Variants in PARD3 observed in about 807,000 individuals in gnomAD.
PARD3 encodes partitioning defective 3 homolog.
A neutral mutation model predicts 155.4 loss-of-function variants in PARD3; 75 were observed. The ratio of observed to expected loss-of-function variants is 0.48; its 90% confidence interval spans 0.40 to 0.58. The LOEUF (loss-of-function observed/expected upper bound fraction) is 0.58. PARD3 is among the 20% of genes least tolerant of loss of function. The probability of loss-of-function intolerance (pLI) is 0.00; values close to 1 mark genes in which losing one functional copy is unlikely to be tolerated. For synonymous variants in PARD3, 576 were observed against 610.5 expected (o/e 0.94, Z 0.83); for missense variants, 1,642 against 1,721.7 (o/e 0.95, Z 0.82).
chr10:34,593,787 GCATT>G (rs2134393277), intron 2 of PARD3, among the ~76,000 whole-genome samples: 1 of 152,126 alleles, frequency 6.6e-6, no homozygotes, highest in East Asian at 1.9e-4. Context: ...ATTCATATGA[GCATT>G]ATTATTTAAA....
intron 19 of PARD3, among the ~76,000 whole-genome samples, chr10:34,330,725 AAAC>A (rs1835527481): frequency 6.6e-6 from 1 of 152,206 alleles, no homozygotes; most frequent in South Asian, 2.1e-4. Context: ...TACTTTTTAA[AAAC>A]AAGCAACTTC....
At chr10:34,135,704 C>T (rs1003988692) in intron 22 of PARD3, among the ~76,000 whole-genome samples, 8 of 152,124 alleles carry the variant, frequency 5.3e-5, no homozygotes, top group African/African-American at 1.9e-4. Flanking sequence ...TCCTTAGGTA[C>T]GATGAGAGGG....
intron 4 of PARD3, among the ~76,000 whole-genome samples, chr10:34,453,583 T>C (rs1334865010): frequency 6.6e-6 from 1 of 152,204 alleles, no homozygotes; most frequent in African/African-American, 2.4e-5. Flanking sequence ...TAGGGAATGC[T>C]TCAAAGAGGC....
intron 22 of PARD3, among the ~76,000 whole-genome samples, chr10:34,176,475 G>C (rs1048376156): frequency 3.3e-5 from 5 of 152,182 alleles, no homozygotes; most frequent in Non-Finnish European, 7.3e-5. Context: ...ATTAGCTGAT[G>C]GTGGAAGTAG....
At chr10:34,469,444 T>C (rs2078212392) in intron 4 of PARD3, among the ~76,000 whole-genome samples, 1 of 152,124 alleles carries the variant, frequency 6.6e-6, no homozygotes, top group African/African-American at 2.4e-5. Context: ...CAAGCTAAAA[T>C]AAAGTTTCTT....
intron 2 of PARD3, among the ~76,000 whole-genome samples, chr10:34,604,857 A>C (rs1057380730): frequency 1.3e-5 from 2 of 151,994 alleles, no homozygotes; most frequent in Non-Finnish European, 2.9e-5. Flanking sequence ...CAATGCTATT[A>C]CTCATTACTG....
intron 22 of PARD3, among the ~76,000 whole-genome samples, chr10:34,211,371 G>A (rs1951739480): frequency 6.6e-6 from 1 of 152,206 alleles, no homozygotes; most frequent in Admixed American, 6.5e-5. Context: ...AGTTAGGCCA[G>A]CGGGAAGGGA....
chr10:34,557,848 T>G (rs918601298), intron 2 of PARD3, among the ~76,000 whole-genome samples: 2 of 151,112 alleles, frequency 1.3e-5, no homozygotes, highest in Middle Eastern at 3.2e-3. Context: ...GTGGGAGGAC[T>G]GCTTGAGTCC....
At chr10:34,411,747 GATA>G (rs1845088863) in intron 5 of PARD3, among the ~76,000 whole-genome samples, 1 of 143,336 alleles carries the variant, frequency 7.0e-6, no homozygotes, top group African/African-American at 3.0e-5. Context: ...TAGATAGATA[GATA>G]GATAGATAGA....
At position 34,191,110 on chromosome 10, in the gene PARD3, G is replaced by A. The variant is rs552688866; in HGVS notation, c.3420-59527C>T. Among the ~76,000 whole-genome samples the A allele has an allele frequency of 2.7e-4, 41 of 152,140 alleles. No homozygotes were observed. In the Middle Eastern group the frequency reaches 0.01, roughly 38 times the overall value. On this transcript the variant is annotated intron_variant, in intron 22 of 24. Coordinates refer to ENST00000374788, the MANE Select transcript of PARD3 (RefSeq NM_001184785.2). ...TTTCATCAACGGTGTGGAGAAAGGA[G>A]TGAGGAAGTGTGTGATGAGATGGGA...
At chr10:34,268,306 T>C (rs940526804) in intron 22 of PARD3, among the ~76,000 whole-genome samples, 1 of 151,616 alleles carries the variant, frequency 6.6e-6, no homozygotes, top group Admixed American at 6.6e-5. Context: ...TGTGGAGAAA[T>C]AGGAACACTT....
At chr10:34,112,591 T>A (rs1282411056) in intron 24 of PARD3, among the ~76,000 whole-genome samples, 1 of 152,132 alleles carries the variant, frequency 6.6e-6, no homozygotes, top group African/African-American at 2.4e-5. Flanking sequence ...AAGAAAATCA[T>A]TTGGCGACAG....
At chr10:34,337,031 GTGTT>G (rs1836268389) in intron 17 of PARD3, among the ~76,000 whole-genome samples, 1 of 152,118 alleles carries the variant, frequency 6.6e-6, no homozygotes, top group Admixed American at 6.6e-5. Flanking sequence ...ATATGCATAT[GTGTT>G]TGTTTCCATT....
chr10:34,233,726 G>A (rs1207547307), intron 22 of PARD3, among the ~76,000 whole-genome samples: 2 of 151,856 alleles, frequency 1.3e-5, no homozygotes, highest in Admixed American at 6.6e-5. Flanking sequence ...GTTTAAAATC[G>A]CTCTCTCGTC....
chr10:34,427,303 C>T (rs1295646095), intron 5 of PARD3, among the ~76,000 whole-genome samples: 2 of 152,168 alleles, frequency 1.3e-5, no homozygotes, highest in South Asian at 2.1e-4. Flanking sequence ...TAATTAACAG[C>T]TCTGAGAAAA....
intron 9 of PARD3, among the ~76,000 whole-genome samples, chr10:34,381,698 G>T (rs189768931): frequency 1.8e-4 from 27 of 152,002 alleles, no homozygotes; most frequent in East Asian, 5.8e-4. Flanking sequence ...TTGGGAAGCC[G>T]AGGTAGAAGG....
chr10:34,407,842 A>T (rs1483829308), intron 5 of PARD3, among the ~76,000 whole-genome samples: 1 of 93,940 alleles, frequency 1.1e-5, no homozygotes, highest in Non-Finnish European at 1.9e-5. Flanking sequence ...CCTAAAAAAA[A>T]AAGAAAAAAA....
Position 34,765,482 on chromosome 10 carries a change from A to G in PARD3, c.120+49394T>C, listed in dbSNP as rs1404447165. The stretch of plus-strand genomic sequence containing the variant: ...CACCTGAGGTCAGGAATTTGAGACC[A>G]CCCTGGCCCACATGGTGAAACCCCG... On this transcript the variant is annotated intron_variant, in intron 1 of 24. Coordinates refer to ENST00000374788, the MANE Select transcript of PARD3 (RefSeq NM_001184785.2). 3.9e-5 allele frequency among the ~76,000 whole-genome samples: 6 copies of G among 151,936 alleles called. No individual in the cohort carries two copies. In the East Asian group the frequency reaches 1.2e-3, roughly 29 times the overall value.
Position 34,111,076 on chromosome 10 carries a change from TACC to T in PARD3, c.*90_*92del. 1 of 1,355,058 alleles carries T rather than the reference TACC, an allele frequency of 7.4e-7. No homozygotes were observed. Among genetic ancestry groups the T allele is most frequent in the Non-Finnish European group, 1.0e-6 (1 of 994,870 alleles). 83.9% of individuals were successfully genotyped at this position (1,355,058 alleles called of 1,614,324 possible). ...TACCAACAACAGAAATACTCCATAG[TACC>T]ATCGAGGTTTTAAAAAAACTCCCAA... is the stretch of plus-strand genomic sequence containing the variant. On this transcript the variant is annotated 3_prime_UTR_variant, in exon 25 of 25. Transcript: ENST00000374788.
Sources: gnomAD v4.1 joint callset for allele counts (sites outside exome capture counted in the v4.1 genomes callset) on GRCh38, gnomAD v4.1.1 for gene constraint, MANE v1.5 for transcripts, NCBI Gene and HGNC (gene_info 2026-07-23, HGNC 2026-07-21) for gene names.